The following CORO7 variants were observed in gnomAD, a reference collection of about 807,000 sequenced individuals.
The protein encoded by CORO7 is coronin-7.
A neutral mutation model predicts 126.6 loss-of-function variants in CORO7; 107 were observed. That is an observed-to-expected ratio of 0.85 (90% CI 0.72 to 0.99). The LOEUF is 0.99. Ranked by LOEUF, CORO7 falls within the 50% of genes least tolerant of loss-of-function variation. CORO7 has a pLI of 0.00. For synonymous variants in CORO7, 603 were observed against 536.8 expected (o/e 1.12, Z -1.70); for missense variants, 1,314 against 1,255.8 (o/e 1.05, Z -0.70).
chr16:4,416,323 G>A, intron 1 of CORO7, 136 bp downstream of exon 1: 1 of 1,266,346 alleles, frequency 7.9e-7, no homozygotes, highest in Non-Finnish European at 1.0e-6. Flanking sequence ...GCCCTGGCCT[G>A]AAGGGGGGTT....
At chr16:4,385,861 C>T (rs1373707669) in intron 9 of CORO7, among the ~76,000 whole-genome samples, 2 of 152,258 alleles carry the variant, frequency 1.3e-5, no homozygotes, top group Non-Finnish European at 2.9e-5. Flanking sequence ...ACACACTGTT[C>T]TGCCCAAGCC....
At chr16:4,381,801 G>C in intron 9 of CORO7, 1 of 1,600,488 alleles carries the variant, frequency 6.2e-7, no homozygotes, top group Non-Finnish European at 8.5e-7. Flanking sequence ...CCCTGAGCTG[G>C]TTTGGCCCCT....
chr16:4,362,465 G>A lies in CORO7; in HGVS notation c.1402+147C>T. ...CTCAGCCACCACACCCCAGCCCCCA[G>A]GACAAATGACCCTGCCAGTGAGTCT... On this transcript the variant is annotated intron_variant, in intron 15 of 27. Transcript: ENST00000251166. The surrounding 1 kb of genome is among the most constrained non-coding windows in gnomAD (Gnocchi z 5.3). The A allele has an allele frequency of 1.4e-6, 2 of 1,417,376 alleles. No individual in the cohort carries two copies. The highest frequency in any genetic ancestry group is 1.6e-5 in the South Asian group (1 of 63,320). 87.8% of individuals were successfully genotyped at this position (1,417,376 alleles called of 1,614,324 possible). A position where few individuals can be genotyped will look rare whatever the true frequency, so the allele number is the denominator to read the frequency against.
chr16:4,361,630 A>G, intron 16 of CORO7, 161 bp from the exon 17 acceptor site: 1 of 918,706 alleles, frequency 1.1e-6, no homozygotes, highest in Non-Finnish European at 1.7e-6. Flanking sequence ...TTGCGCTCTG[A>G]GCCCCAAGTG....
At chr16:4,357,799 C>A in intron 25 of CORO7, 169 bp downstream of exon 25, 1 of 1,249,682 alleles carries the variant, frequency 8.0e-7, no homozygotes, top group Middle Eastern at 2.8e-4. Flanking sequence ...AAACACAGAC[C>A]ACGAGCCCTG....
chr16:4,407,705 G>C, intron 4 of CORO7, 21 bp from the exon 5 acceptor site: 1 of 1,560,856 alleles, frequency 6.4e-7, no homozygotes, highest in East Asian at 2.3e-5. Context: ...GACCAAGTCC[G>C]TGAGCACAGG....
At chr16:4,387,539 C>T (rs559535374) in intron 9 of CORO7, among the ~76,000 whole-genome samples, 2 of 150,488 alleles carry the variant, frequency 1.3e-5, no homozygotes, top group South Asian at 4.2e-4. Flanking sequence ...TCCACCTCCA[C>T]CTCCACCTCC....
At chr16:4,365,290 T>C (rs1030104063) in intron 10 of CORO7, among the ~76,000 whole-genome samples, 1 of 152,186 alleles carries the variant, frequency 6.6e-6, no homozygotes, top group African/African-American at 2.4e-5. Flanking sequence ...TCAGTATTTA[T>C]GGAGTGCTGA....
intron 6 of CORO7, among the ~76,000 whole-genome samples, chr16:4,398,543 G>GT (rs1040551511): frequency 6.6e-6 from 1 of 152,010 alleles, no homozygotes; most frequent in African/African-American, 2.4e-5. Context: ...GCGTGCACCT[G>GT]TAATACCAGC....
chr16:4,407,809 T>A, intron 4 of CORO7, 125 bp from the exon 5 acceptor site: 1 of 1,253,426 alleles, frequency 8.0e-7, no homozygotes, highest in Non-Finnish European at 1.1e-6. Context: ...CACCTTGGCC[T>A]TGGGAGGAGC....
rs2054299726 is a variant in CORO7, at chr16:4,364,894, G to T, written c.925C>A (p.Leu309Met). 1.2e-6 allele frequency: 2 copies of T among 1,611,186 alleles called. No homozygotes were observed. The highest frequency in any genetic ancestry group is 2.7e-5 in the African/African-American group (2 of 75,004). Residue 309 changes from leucine (L) to methionine (M), a missense_variant, in exon 12 of 28, where the codon CTG (leucine) becomes ATG (methionine). Physicochemically the swap from Leu to Met is conservative, Grantham distance 15. Transcript: ENST00000251166. The stretch of plus-strand genomic sequence containing the variant: ...CGGGGCACAAGGGCAGCCCCACGCA[G>T]CACGCTCTCCAGGACACACTGGGTC... ...PVTQCVLESV[L>M]RGAALVPRQA...
At chr16:4,389,690 C>G (rs1318526913) in intron 7 of CORO7, among the ~76,000 whole-genome samples, 1 of 152,258 alleles carries the variant, frequency 6.6e-6, no homozygotes, top group Non-Finnish European at 1.5e-5. Context: ...CCACTGCCCT[C>G]TCTCCACGTA....
At chr16:4,368,028 G>A (rs1472847290) in intron 9 of CORO7, among the ~76,000 whole-genome samples, 2 of 152,044 alleles carry the variant, frequency 1.3e-5, no homozygotes, top group Non-Finnish European at 2.9e-5. Flanking sequence ...AACATCATGA[G>A]ACCATGGCTC....
intron 23 of CORO7, chr16:4,359,041 T>C: frequency 3.7e-6 from 2 of 534,638 alleles, no homozygotes; most frequent in Non-Finnish European, 6.5e-6. Flanking sequence ...CCTTCCGAAG[T>C]GTTGGGATTC....
intron 26 of CORO7, chr16:4,356,409 ATTTTAT>A (rs933741400): frequency 7.9e-5 from 12 of 151,982 alleles, no homozygotes; most frequent in South Asian, 2.1e-4. Flanking sequence ...GAGCCACTAT[ATTTTAT>A]TTTTATTTTT....
chr16:4,380,057 CAAAA>C (rs779747877), intron 9 of CORO7, among the ~76,000 whole-genome samples: 2 of 90,084 alleles, frequency 2.2e-5, no homozygotes, highest in South Asian at 3.6e-4. Flanking sequence ...GACTCCGTCT[CAAAA>C]AAAAAAAAAA....
At chr16:4,416,039 C>T (rs1430503133) in intron 1 of CORO7, 2 of 326,716 alleles carry the variant, frequency 6.1e-6, no homozygotes, top group Non-Finnish European at 8.9e-6. Flanking sequence ...CTCCCCACAG[C>T]CCAGCCAGGG....
At chr16:4,360,033 A>G (rs1348252481) in intron 21 of CORO7, among the ~76,000 whole-genome samples, 3 of 127,216 alleles carry the variant, frequency 2.4e-5, no homozygotes, top group Non-Finnish European at 5.0e-5. Flanking sequence ...ATCTCTCCCT[A>G]CCCCCTCATT....
chr16:4,414,757 G>A (rs2056344018), intron 1 of CORO7, among the ~76,000 whole-genome samples: 3 of 152,222 alleles, frequency 2.0e-5, no homozygotes, highest in Admixed American at 1.3e-4. Flanking sequence ...CAAGAATTAG[G>A]GCCCCTCAAG....
Sources: allele counts gnomAD v4.1 joint callset (sites outside exome capture counted in the v4.1 genomes callset), GRCh38; gene constraint gnomAD v4.1.1; non-coding constraint Gnocchi (gnomAD v3.1); transcripts MANE v1.5; gene names NCBI Gene and HGNC (gene_info 2026-07-23, HGNC 2026-07-21).